DMRT1: variants seen among roughly 807,000 people sequenced by gnomAD.
DMRT1 encodes doublesex- and mab-3-related transcription factor 1.
DMRT1 carries 7 observed loss-of-function variants against 32.3 expected under a neutral mutation model. That is an observed-to-expected ratio of 0.22 (90% CI 0.12 to 0.41). The LOEUF (loss-of-function observed/expected upper bound fraction) is 0.41, where lower values mean the gene tolerates loss of function less well. DMRT1 is among the 10% of genes least tolerant of loss of function. The pLI is 1.00. For missense variants in DMRT1, 625 were observed against 500.5 expected, an observed-to-expected ratio of 1.25 and a Z score of -2.37; for synonymous variants, 278 against 206.1, an observed-to-expected ratio of 1.35 and a Z score of -2.99.
At position 857,050 on chromosome 9, in the gene DMRT1, C is replaced by T. The variant is rs1010100612; in HGVS notation, c.538+9907C>T. Among the ~76,000 whole-genome samples the T allele has an allele frequency of 3.3e-5, 5 of 152,140 alleles. No homozygotes were observed. The East Asian group carries it at 9.6e-4, about 29-fold the overall frequency. Reference sequence around the variant, plus strand: ...AATATTCAGGCTGGGTGTGGTGGCTCACACCTGTAATCCCAGCACTTTGGG... The same window carrying T: ...AATATTCAGGCTGGGTGTGGTGGCTTACACCTGTAATCCCAGCACTTTGGG... On this transcript the variant is annotated intron_variant, in intron 2 of 4. Coordinates refer to ENST00000382276, the MANE Select transcript of DMRT1 (RefSeq NM_021951.3).
intron 4 of DMRT1, among the ~76,000 whole-genome samples, chr9:951,845 C>T (rs560825337): frequency 6.6e-6 from 1 of 152,138 alleles, no homozygotes; most frequent in Non-Finnish European, 1.5e-5. Context: ...AAAATGGCAC[C>T]TTCTTCTGAT....
At chr9:952,546 G>A (rs1389407819) in intron 4 of DMRT1, among the ~76,000 whole-genome samples, 1 of 152,152 alleles carries the variant, frequency 6.6e-6, no homozygotes, top group Non-Finnish European at 1.5e-5. Context: ...CATGTAAATT[G>A]GTCAGTTTTG....
intron 4 of DMRT1, among the ~76,000 whole-genome samples, chr9:923,352 C>T (rs1408228582): frequency 9.9e-5 from 15 of 152,092 alleles, no homozygotes; most frequent in Admixed American, 8.5e-4. Flanking sequence ...GAATTCTGTA[C>T]GTGGAATCTG....
At chr9:959,623 G>A (rs1351108674) in intron 4 of DMRT1, among the ~76,000 whole-genome samples, 3 of 152,170 alleles carry the variant, frequency 2.0e-5, no homozygotes, top group African/African-American at 4.8e-5. Flanking sequence ...TGCCTCCTGG[G>A]TTGAAGCGAT....
At chr9:920,641 G>A (rs569275037) in intron 4 of DMRT1, among the ~76,000 whole-genome samples, 3 of 152,312 alleles carry the variant, frequency 2.0e-5, no homozygotes, top group East Asian at 1.9e-4. Context: ...ACGTCAACCC[G>A]TGGGGAAGTG....
chr9:889,748 T>TTTAA (rs57602958), intron 2 of DMRT1, among the ~76,000 whole-genome samples: 5,776 of 152,276 alleles, frequency 0.038, 156 homozygotes, highest in African/African-American at 0.078. Context: ...TGGGTTTCTA[T>TTTAA]TTATTCGTCT....
chr9:852,325 A>G (rs1472886018), intron 2 of DMRT1, among the ~76,000 whole-genome samples: 6 of 151,420 alleles, frequency 4.0e-5, no homozygotes, highest in East Asian at 1.9e-4. Context: ...TTGACTCTAC[A>G]TGACAAATAA....
intron 4 of DMRT1, among the ~76,000 whole-genome samples, chr9:956,188 A>G (rs1040421501): frequency 8.5e-5 from 13 of 152,244 alleles, no homozygotes; most frequent in Non-Finnish European, 2.9e-5. Context: ...CAAATACTGT[A>G]TGAGTCCATT....
chr9:846,454 T>A (rs1838909130), intron 1 of DMRT1, among the ~76,000 whole-genome samples: 1 of 152,188 alleles, frequency 6.6e-6, no homozygotes, highest in South Asian at 2.1e-4. Context: ...CCATTTTCCT[T>A]CCTAATCTGT....
chr9:855,065 C>T (rs1815340499), intron 2 of DMRT1, among the ~76,000 whole-genome samples: 1 of 151,834 alleles, frequency 6.6e-6, no homozygotes, highest in South Asian at 2.1e-4. Context: ...CCATGCCCGG[C>T]CAGGGACTGA....
chr9:847,658 C>G (rs899589947), intron 2 of DMRT1, among the ~76,000 whole-genome samples: 1 of 123,686 alleles, frequency 8.1e-6, no homozygotes, highest in Non-Finnish European at 2.0e-5. Flanking sequence ...CATGTGAAAC[C>G]TGAGACATAG....
At chr9:902,287 A>G (rs1817617260) in intron 3 of DMRT1, among the ~76,000 whole-genome samples, 1 of 149,866 alleles carries the variant, frequency 6.7e-6, no homozygotes, top group Non-Finnish European at 1.5e-5. Flanking sequence ...TCAGCAATGT[A>G]AAAAGTTGAT....
intron 4 of DMRT1, among the ~76,000 whole-genome samples, chr9:934,751 T>G (rs1818831734): frequency 6.6e-6 from 1 of 152,190 alleles, no homozygotes; most frequent in South Asian, 2.1e-4. Flanking sequence ...ACACTCTCCT[T>G]TCCTCCATTA....
chr9:933,172 C>T (rs549603335), intron 4 of DMRT1, among the ~76,000 whole-genome samples: 56 of 152,304 alleles, frequency 3.7e-4, no homozygotes, highest in South Asian at 4.2e-4. Context: ...CCTCCTGGGC[C>T]TCCCAAAGTG....
rs2273932 is a variant in DMRT1, at chr9:847,365, C to G, written c.538+222C>G. Among the ~76,000 whole-genome samples, 106,383 of 152,054 alleles carry G rather than the reference C, an allele frequency of 0.7. 38,073 individuals are homozygous for G. Among genetic ancestry groups the G allele is most frequent in the Middle Eastern group, 0.78 (227 of 292 alleles). On this transcript the variant is annotated intron_variant, in intron 2 of 4. Transcript: ENST00000382276. Reference sequence around the variant, plus strand: ...CAACTCTTTCCTGTTGGTTATTAGTCAAGACTGAGTCTGGACAGAGAATGA... The same window carrying G: ...CAACTCTTTCCTGTTGGTTATTAGTGAAGACTGAGTCTGGACAGAGAATGA...
rs556051632 is a variant in DMRT1, at chr9:867,955, T to C, written c.538+20812T>C. Among the ~76,000 whole-genome samples, 309 of 152,382 alleles carry C rather than the reference T, an allele frequency of 2.0e-3. 2 individuals are homozygous for C. The highest frequency in any genetic ancestry group is 7.3e-3 in the African/African-American group (302 of 41,586). On this transcript the variant is annotated intron_variant, in intron 2 of 4. Coordinates refer to ENST00000382276, the MANE Select transcript of DMRT1 (RefSeq NM_021951.3). Reference sequence around the variant, plus strand: ...TCATCTTTGTGGTTATATAGTGATATGTACAATCTCACTTAGGAAATCAAC... The same window carrying C: ...TCATCTTTGTGGTTATATAGTGATACGTACAATCTCACTTAGGAAATCAAC...
chr9:904,776 C>G (rs149954006), intron 3 of DMRT1, among the ~76,000 whole-genome samples: 88 of 152,254 alleles, frequency 5.8e-4, no homozygotes, highest in African/African-American at 2.0e-3. Flanking sequence ...GAAACCCTGT[C>G]TCTACTAAAA....
intron 4 of DMRT1, among the ~76,000 whole-genome samples, chr9:943,101 T>C (rs2129918773): frequency 6.6e-6 from 1 of 152,100 alleles, no homozygotes; most frequent in African/African-American, 2.4e-5. Flanking sequence ...TTTGATAGCA[T>C]ATCAGGTTGT....
At position 847,269 on chromosome 9, in the gene DMRT1, A is replaced by G. The variant is rs561598769; in HGVS notation, c.538+126A>G. The stretch of plus-strand genomic sequence containing the variant: ...TAGAGCTTAGAGGATTCTGTAGAGG[A>G]TTCTCCCTGTGAAGGGCTGTTTGTG... On this transcript the variant is annotated intron_variant, in intron 2 of 4. Transcript: ENST00000382276. 1.2e-5 allele frequency: 12 copies of G among 1,010,564 alleles called. No homozygotes were observed. In the East Asian group the frequency reaches 1.6e-4, roughly 13 times the overall value. The allele number at this position is 1,010,564 out of a possible 1,614,324, so 62.6% of individuals were successfully genotyped here.
Sources: gnomAD v4.1 joint callset for allele counts (sites outside exome capture counted in the v4.1 genomes callset) on GRCh38, gnomAD v4.1.1 for gene constraint, MANE v1.5 for transcripts, NCBI Gene and HGNC (gene_info 2026-07-23, HGNC 2026-07-21) for gene names.